ITGBL1: variants seen among roughly 807,000 people sequenced by gnomAD.
The protein encoded by ITGBL1 is integrin subunit beta like 1.
Under a neutral mutation model 68.5 loss-of-function variants are expected in ITGBL1, and 51 were observed. The observed-to-expected ratio is 0.74, with a 90% CI of 0.59 to 0.94. The LOEUF is 0.94. Among genes scored for constraint, ITGBL1 ranks in the 40% least tolerant of loss-of-function variants. The pLI is 0.00. For missense variants in ITGBL1, 649 were observed against 647.4 expected (o/e 1.00, Z -0.03); for synonymous variants, 209 against 227.3 (o/e 0.92, Z 0.72).
intron 2 of ITGBL1, among the ~76,000 whole-genome samples, chr13:101,491,973 T>C (rs947820421): frequency 2.6e-5 from 4 of 152,230 alleles, no homozygotes; most frequent in Non-Finnish European, 5.9e-5. Context: ...CATCCTTTTT[T>C]ATGGCTGCAT....
At chr13:101,524,427 A>T (rs2049338254) in intron 2 of ITGBL1, among the ~76,000 whole-genome samples, 1 of 151,870 alleles carries the variant, frequency 6.6e-6, no homozygotes, top group Non-Finnish European at 1.5e-5. Context: ...TACAAAACTT[A>T]AAAAATGACA....
intron 2 of ITGBL1, among the ~76,000 whole-genome samples, chr13:101,560,652 C>T (rs78238749): frequency 0.011 from 1,719 of 152,122 alleles, 34 homozygotes; most frequent in African/African-American, 0.039. Context: ...TTGCACTTAC[C>T]TCAAAAGTTA....
At position 101,452,837 on chromosome 13, in the gene ITGBL1, C is replaced by T. The variant is rs1170158301; in HGVS notation, c.4C>T (p.Arg2Cys). The T allele has an allele frequency of 5.0e-6, 8 of 1,613,124 alleles. No individual in the cohort carries two copies. The highest frequency in any genetic ancestry group is 2.2e-5 in the South Asian group (2 of 91,056). Residue 2 changes from arginine (R) to cysteine (C), a missense_variant, in exon 1 of 11, where the codon CGT becomes TGT. Transcript: ENST00000376180. ...CGGAGCAGCCCAGGAGCTCAGCATGCGTCCCCCAGGCTTCAGGAACTTCTT... is the reference window on the plus strand; with the variant it reads ...CGGAGCAGCCCAGGAGCTCAGCATGTGTCCCCCAGGCTTCAGGAACTTCTT... M[R>C]PPGFRNFLLL...
intron 2 of ITGBL1, among the ~76,000 whole-genome samples, chr13:101,465,240 T>G (rs1388599862): frequency 6.6e-6 from 1 of 152,230 alleles, no homozygotes; most frequent in Non-Finnish European, 1.5e-5. Context: ...TAATATATTT[T>G]AATGCTATAT....
rs2030109438 is a variant in ITGBL1, at chr13:101,598,260, A to C, written c.976A>C (p.Lys326Gln). Residue 326 changes from lysine to glutamine, a missense_variant, in exon 7 of 11, where the codon AAG becomes CAG. Transcript: ENST00000376180. ...CTLSAEESIR[K>Q]CQGSSDLPCS... ...GCTGTCAGCTGAGGAGAGCATCAGG[A>C]AGTGCCAGGGAAGCTCGGATCTGCC... 6.2e-7 allele frequency: 1 copy of C among 1,613,466 alleles called. No individual in the cohort carries two copies.
intron 2 of ITGBL1, among the ~76,000 whole-genome samples, chr13:101,456,023 G>A (rs1471852308): frequency 6.6e-6 from 1 of 152,052 alleles, no homozygotes; most frequent in Non-Finnish European, 1.5e-5. Flanking sequence ...TATGCAGAAG[G>A]AATGCTGTGG....
chr13:101,644,465 C>G (rs1276242241), intron 7 of ITGBL1, among the ~76,000 whole-genome samples: 1 of 152,076 alleles, frequency 6.6e-6, no homozygotes, highest in Non-Finnish European at 1.5e-5. Flanking sequence ...ACTGATGTCG[C>G]CTTGGAGATA....
At chr13:101,713,490 A>G (rs2139613204) in intron 9 of ITGBL1, 1 of 152,350 alleles carries the variant, frequency 6.6e-6, no homozygotes, top group Non-Finnish European at 1.5e-5. Flanking sequence ...ATGTTTGGAA[A>G]GAACAACCAA....
At chr13:101,480,881 G>A (rs919097044) in intron 2 of ITGBL1, among the ~76,000 whole-genome samples, 14 of 151,888 alleles carry the variant, frequency 9.2e-5, no homozygotes, top group South Asian at 2.1e-4. Context: ...AAATTTTAAG[G>A]TAGGATATCA....
At chr13:101,546,849 A>T (rs1478014474) in intron 2 of ITGBL1, among the ~76,000 whole-genome samples, 3 of 152,094 alleles carry the variant, frequency 2.0e-5, no homozygotes, top group African/African-American at 7.2e-5. Flanking sequence ...GTGGCTAATA[A>T]TCACAACTGT....
chr13:101,529,796 A>T (rs1242467264), intron 2 of ITGBL1, among the ~76,000 whole-genome samples: 2 of 152,156 alleles, frequency 1.3e-5, no homozygotes, highest in Non-Finnish European at 2.9e-5. Context: ...CCCTTCTGCC[A>T]TGATTTAAGT....
intron 2 of ITGBL1, among the ~76,000 whole-genome samples, chr13:101,531,982 C>T (rs1157323630): frequency 2.0e-5 from 3 of 151,974 alleles, no homozygotes; most frequent in East Asian, 1.9e-4. Flanking sequence ...GATCTGCCCA[C>T]CTCGGCCTCC....
Position 101,453,872 on chromosome 13 carries a change from C to G in ITGBL1, c.99-11C>G. 2 of 1,236,416 alleles carry G rather than the reference C, an allele frequency of 1.6e-6. No individual in the cohort carries two copies. The highest frequency in any genetic ancestry group is 2.0e-6 in the Non-Finnish European group (2 of 991,898). 76.6% of individuals were successfully genotyped at this position (1,236,416 alleles called of 1,614,324 possible). A position where few individuals can be genotyped will look rare whatever the true frequency, so the allele number is the denominator to read the frequency against. ...CTGACCCGGCCTGCCGGTTGCTTGT[C>G]GCCCGCGCAGGAGCTGGCCGGGCGC... On this transcript the variant is annotated splice_polypyrimidine_tract_variant and intron_variant, in intron 1 of 10. Coordinates refer to ENST00000376180, the MANE Select transcript of ITGBL1 (RefSeq NM_004791.3).
At chr13:101,466,097 C>T (rs573901791) in intron 2 of ITGBL1, among the ~76,000 whole-genome samples, 1 of 152,316 alleles carries the variant, frequency 6.6e-6, no homozygotes, top group South Asian at 2.1e-4. Flanking sequence ...AACTTTGACT[C>T]ATCCTTTTCA....
At chr13:101,615,897 G>T (rs1480195252) in intron 7 of ITGBL1, among the ~76,000 whole-genome samples, 1 of 152,198 alleles carries the variant, frequency 6.6e-6, no homozygotes. Flanking sequence ...CCATCTATGT[G>T]TAGGAAGCAG....
chr13:101,561,691 G>A (rs1053671546), intron 2 of ITGBL1, among the ~76,000 whole-genome samples: 1 of 152,098 alleles, frequency 6.6e-6, no homozygotes, highest in African/African-American at 2.4e-5. Context: ...ATGGAGAGAC[G>A]TCTTTGAAAG....
intron 2 of ITGBL1, among the ~76,000 whole-genome samples, chr13:101,523,045 AATG>A (rs1418880856): frequency 1.1e-4 from 17 of 152,220 alleles, no homozygotes; most frequent in Admixed American, 1.1e-3. Context: ...GCAAGTTAAA[AATG>A]CAGACAAATG....
chr13:101,714,744 T>C (rs2034637123), intron 10 of ITGBL1, 193 bp downstream of exon 10: 1 of 561,976 alleles, frequency 1.8e-6, no homozygotes, highest in Non-Finnish European at 3.2e-6. Flanking sequence ...CATAGAAGAA[T>C]ACAAGAGAAT....
chr13:101,680,821 G>T (rs188631080), intron 7 of ITGBL1, among the ~76,000 whole-genome samples: 1 of 152,104 alleles, frequency 6.6e-6, no homozygotes, highest in African/African-American at 2.4e-5. Context: ...ACATTTAGTT[G>T]TGTATGCACC....
Sources: gnomAD v4.1 joint callset for allele counts (sites outside exome capture counted in the v4.1 genomes callset) on GRCh38, gnomAD v4.1.1 for gene constraint, MANE v1.5 for transcripts, NCBI Gene and HGNC (gene_info 2026-07-23, HGNC 2026-07-21) for gene names.